FMN2: variants seen among roughly 807,000 people sequenced by gnomAD.
FMN2 encodes the protein formin 2.
A neutral mutation model predicts 142.3 loss-of-function variants in FMN2; 51 were observed. The ratio of observed to expected loss-of-function variants is 0.36; its 90% CI spans 0.29 to 0.45. The LOEUF (loss-of-function observed/expected upper bound fraction) is 0.45. FMN2 is among the 20% of genes least tolerant of loss of function. The pLI, the probability that FMN2 is intolerant of heterozygous loss-of-function variation, is 1.00. For missense variants in FMN2, 1,936 were observed against 2,122.8 expected (o/e 0.91, Z 1.73); for synonymous variants, 882 against 869.8 (o/e 1.01, Z -0.25).
chr1:240,406,200 G>A (rs1348247952), intron 15 of FMN2, among the ~76,000 whole-genome samples: 3 of 84,702 alleles, frequency 3.5e-5, no homozygotes, highest in Admixed American at 2.1e-4. Flanking sequence ...CTCGGGAGTC[G>A]GGGGAGCGAA....
At chr1:240,169,858 C>T (rs1394354788) in intron 2 of FMN2, among the ~76,000 whole-genome samples, 1 of 152,066 alleles carries the variant, frequency 6.6e-6, no homozygotes, top group East Asian at 1.9e-4. Flanking sequence ...ATTTTTTTCC[C>T]CTTCATGCAA....
chr1:240,209,784 G>A (rs1453375128), intron 5 of FMN2, among the ~76,000 whole-genome samples: 1 of 151,634 alleles, frequency 6.6e-6, no homozygotes, highest in Admixed American at 6.6e-5. Flanking sequence ...GGCGCCGGTA[G>A]TTCCAGCTAC....
At chr1:240,321,515 C>G (rs1368035242) in intron 8 of FMN2, among the ~76,000 whole-genome samples, 3 of 152,106 alleles carry the variant, frequency 2.0e-5, no homozygotes, top group African/African-American at 7.2e-5. Context: ...TTTTAAATGA[C>G]CATTCTCATT....
In FMN2 at chr1:240,159,923, A is replaced by ATTTG. The variant is rs1462140561; in HGVS notation, c.1783-17997_1783-17996insTTGT. Among the ~76,000 whole-genome samples, 564 of 129,198 alleles carry ATTTG rather than the reference A, an allele frequency of 4.4e-3. 3 individuals are homozygous for ATTTG. The highest frequency in any genetic ancestry group is 0.017 in the African/African-American group (502 of 30,094). The allele number at this position is 129,198 out of a possible 152,430, so 84.8% of individuals were successfully genotyped here. Reference sequence around the variant, plus strand: ...TATCTGTGTATATATATATATATATATATATATATTTGTGTATATATATAT... The same window carrying ATTTG: ...TATCTGTGTATATATATATATATATATTTGTATATATATTTGTGTATATATATAT... On this transcript the variant is annotated intron_variant, in intron 2 of 17. Transcript: ENST00000319653.
chr1:240,316,896 A>G (rs1670800901), intron 8 of FMN2, among the ~76,000 whole-genome samples: 1 of 152,144 alleles, frequency 6.6e-6, no homozygotes, highest in Non-Finnish European at 1.5e-5. Flanking sequence ...GACCTTTTTT[A>G]GATTTCACCA....
intron 2 of FMN2, among the ~76,000 whole-genome samples, chr1:240,135,043 G>A (rs1662882872): frequency 6.6e-6 from 1 of 152,136 alleles, no homozygotes; most frequent in African/African-American, 2.4e-5. Flanking sequence ...ATATTGACAT[G>A]CGTTGTGCTT....
At chr1:240,199,459 G>C (rs1666048629) in intron 4 of FMN2, among the ~76,000 whole-genome samples, 1 of 152,108 alleles carries the variant, frequency 6.6e-6, no homozygotes, top group Non-Finnish European at 1.5e-5. Flanking sequence ...TTTGACAGTT[G>C]TAACCTTAAT....
At chr1:240,377,708 G>T (rs1387222345) in intron 14 of FMN2, among the ~76,000 whole-genome samples, 1 of 152,058 alleles carries the variant, frequency 6.6e-6, no homozygotes, top group African/African-American at 2.4e-5. Context: ...CCCAGTGATT[G>T]CACTGGGACA....
intron 8 of FMN2, among the ~76,000 whole-genome samples, chr1:240,317,191 C>T (rs1421956738): frequency 6.6e-6 from 1 of 152,098 alleles, no homozygotes; most frequent in African/African-American, 2.4e-5. Flanking sequence ...TGGCACGCAC[C>T]TGTAGTCCTA....
rs201857219 is a variant in FMN2 at position 240,092,335 on chromosome 1, T to A, written c.226T>A (p.Ser76Thr). The stretch of plus-strand genomic sequence containing the variant: ...GTCCGACTCCAGAGCCTCGGTGTTT[T>A]CCAACCTGCGGATCAGGAAGAATCT... Reference protein sequence around the residue: ...SKSDSRASVFSNLRIRKNLSK... With the variant: ...SKSDSRASVFTNLRIRKNLSK... Residue 76 changes from serine (S) to threonine (T), a missense_variant, in exon 1 of 18, where the codon TCC (serine) becomes ACC (threonine). Physicochemically the swap from Ser to Thr is moderately conservative, Grantham distance 58. Around this residue, in one of 8 missense-constraint regions of FMN2, gnomAD observed 751 missense variants for 791.8 expected, o/e 0.95. Transcript: ENST00000319653. The A allele has an allele frequency of 2.1e-5, 34 of 1,608,368 alleles. No homozygotes were observed. The highest frequency in any genetic ancestry group is 2.9e-5 in the Non-Finnish European group (34 of 1,176,578).
intron 14 of FMN2, among the ~76,000 whole-genome samples, chr1:240,367,861 G>A (rs1672735373): frequency 6.8e-6 from 1 of 147,770 alleles, no homozygotes; most frequent in Non-Finnish European, 1.5e-5. Flanking sequence ...TTATAGTTTT[G>A]CTTTCACATT....
chr1:240,097,017 A>G (rs181028203), intron 1 of FMN2, among the ~76,000 whole-genome samples: 22 of 152,356 alleles, frequency 1.4e-4, no homozygotes, highest in Admixed American at 1.2e-3. Flanking sequence ...CATATTAAGT[A>G]TAACAGAAGC....
intron 6 of FMN2, among the ~76,000 whole-genome samples, chr1:240,228,832 G>C (rs1326602293): frequency 1.3e-5 from 2 of 151,980 alleles, no homozygotes; most frequent in Non-Finnish European, 2.9e-5. Flanking sequence ...AGTTTAAGCT[G>C]TTTTTAACTT....
At chr1:240,395,072 T>C (rs1673730410) in intron 15 of FMN2, among the ~76,000 whole-genome samples, 1 of 152,206 alleles carries the variant, frequency 6.6e-6, no homozygotes, top group Admixed American at 6.5e-5. Flanking sequence ...TTGAAGCCAG[T>C]GCACATTCAC....
intron 2 of FMN2, among the ~76,000 whole-genome samples, chr1:240,131,160 T>A (rs1273562677): frequency 6.6e-6 from 1 of 152,096 alleles, no homozygotes; most frequent in Non-Finnish European, 1.5e-5. Context: ...GGAATAAATA[T>A]AGTAGTTTCT....
intron 7 of FMN2, among the ~76,000 whole-genome samples, chr1:240,289,584 A>T (rs150758440): frequency 1.3e-5 from 2 of 152,004 alleles, no homozygotes; most frequent in African/African-American, 4.8e-5. Flanking sequence ...AGAGGCTGAG[A>T]TGAGAAGATT....
chr1:240,333,462 A>G (rs1343537859), intron 11 of FMN2, among the ~76,000 whole-genome samples: 1 of 152,198 alleles, frequency 6.6e-6, no homozygotes, highest in Non-Finnish European at 1.5e-5. Context: ...ATGAGCCTCA[A>G]TCAAACTTAC....
intron 16 of FMN2, among the ~76,000 whole-genome samples, chr1:240,465,330 CTGTGTGTG>C (rs58873062): frequency 0.082 from 10,832 of 131,368 alleles, 585 homozygotes; most frequent in East Asian, 0.13. Flanking sequence ...ATGCCTCCCT[CTGTGTGTG>C]TGTGTGTGTG....
chr1:240,347,179 C>T (rs896318767), intron 13 of FMN2, among the ~76,000 whole-genome samples: 8 of 152,128 alleles, frequency 5.3e-5, no homozygotes, highest in African/African-American at 1.4e-4. Flanking sequence ...GTTAAACACA[C>T]GTTGAAGGAT....
Sources: gnomAD v4.1 joint callset for allele counts (sites outside exome capture counted in the v4.1 genomes callset) on GRCh38, gnomAD v4.1.1 for gene constraint, gnomAD v4.1.1 regional missense constraint, MANE v1.5 for transcripts, NCBI Gene and HGNC (gene_info 2026-07-23, HGNC 2026-07-21) for gene names.